The following EXPH5 variants were observed in gnomAD, a reference collection of about 807,000 sequenced individuals.
EXPH5 encodes the protein exophilin 5.
Under a neutral mutation model 41.1 loss-of-function variants are expected in EXPH5, and 42 were observed. That is an observed-to-expected ratio of 1.02 (90% CI 0.80 to 1.32). EXPH5 has a LOEUF of 1.32. EXPH5 is among the 40% of genes most tolerant of loss of function. EXPH5 has a pLI of 0.00. For missense variants in EXPH5, 2,298 were observed against 2,314.5 expected (o/e 0.99, Z 0.15); for synonymous variants, 798 against 833.5 (o/e 0.96, Z 0.73).
Position 108,509,829 on chromosome 11 carries a change from T to C in EXPH5, c.5678A>G (p.Gln1893Arg). 1 of 1,613,690 alleles carries C rather than the reference T, an allele frequency of 6.2e-7. No individual in the cohort carries two copies. The highest frequency in any genetic ancestry group is 8.5e-7 in the Non-Finnish European group (1 of 1,179,914). The change falls in exon 6 of 6, where the codon CAA (glutamine) becomes CGA (arginine). Residue 1893 changes from glutamine (Q) to arginine (R), a missense_variant. By Grantham distance (43) the Gln-to-Arg change is conservative. Coordinates refer to ENST00000265843, the MANE Select transcript of EXPH5 (RefSeq NM_015065.3). ...TACATTTTCTAAGAAAGCTAACTGT[T>C]GTTCTTTCCCAAAGATCCCATAGTC... ...PIDYGIFGKE[Q>R]QLAFLENVKR... is the part of the protein sequence containing the mutation.
At chr11:108,518,563 T>C (rs1448558652) in intron 4 of EXPH5, among the ~76,000 whole-genome samples, 190 bp from the exon 5 acceptor site, 1 of 152,230 alleles carries the variant, frequency 6.6e-6, no homozygotes, top group Non-Finnish European at 1.5e-5. Context: ...AACTTCTCTA[T>C]ACCTACATTA....
At chr11:108,536,104 G>GA (rs2136014469) in intron 3 of EXPH5, among the ~76,000 whole-genome samples, 1 of 152,234 alleles carries the variant, frequency 6.6e-6, no homozygotes, top group Non-Finnish European at 1.5e-5. Context: ...GGATTTATTG[G>GA]CTAGGAATGT....
chr11:108,554,354 C>T lies in EXPH5; in HGVS notation c.120-12542G>A, dbSNP rs184386195. Among the ~76,000 whole-genome samples the T allele has an allele frequency of 2.8e-4, 43 of 152,276 alleles. No individual in the cohort carries two copies. The South Asian group carries it at 2.9e-3, about 10-fold the overall frequency. ...ACAGATGTGAGCCACCATGCCCAGCCGCCCTGAACTTTATTAACTGGGTGT... is the reference window on the plus strand; with the variant it reads ...ACAGATGTGAGCCACCATGCCCAGCTGCCCTGAACTTTATTAACTGGGTGT... On this transcript the variant is annotated intron_variant, in intron 1 of 5. Coordinates refer to ENST00000265843, the MANE Select transcript of EXPH5 (RefSeq NM_015065.3).
intron 3 of EXPH5, among the ~76,000 whole-genome samples, chr11:108,538,397 G>A (rs1303315324): frequency 6.6e-6 from 1 of 152,134 alleles, no homozygotes; most frequent in Non-Finnish European, 1.5e-5. Context: ...TGAGTCAAGT[G>A]AACTGATTTG....
intron 1 of EXPH5, among the ~76,000 whole-genome samples, chr11:108,555,373 A>G (rs1046804550): frequency 1.8e-4 from 27 of 152,350 alleles, no homozygotes; most frequent in African/African-American, 6.0e-4. Context: ...GAAAATAACC[A>G]TTTATTGATT....
In EXPH5 at chr11:108,514,426, G is replaced by C. The variant is rs771619586; in HGVS notation, c.1081C>G (p.Gln361Glu). ...GATAAAGGAGTTCTCTTTGGACTCT[G>C]CTGGTGCCTTGGTGGTATAAACCCA... is the stretch of plus-strand genomic sequence containing the variant. ...KSGFIPPRHQ[Q>E]SPKRTPLSSI... Residue 361 changes from glutamine (Q) to glutamate (E), a missense_variant, in exon 6 of 6, where the codon CAG becomes GAG. Transcript: ENST00000265843. The C allele has an allele frequency of 1.2e-6, 2 of 1,614,036 alleles. No homozygotes were observed. The highest frequency in any genetic ancestry group is 1.7e-5 in the Admixed American group (1 of 60,002).
At chr11:108,548,411 A>G (rs1393899778) in intron 1 of EXPH5, among the ~76,000 whole-genome samples, 1 of 152,176 alleles carries the variant, frequency 6.6e-6, no homozygotes, top group Non-Finnish European at 1.5e-5. Flanking sequence ...TGAAATTCAG[A>G]CAGTAGTGTC....
upstream of EXPH5, among the ~76,000 whole-genome samples, chr11:108,596,370 A>G (rs1387723340): frequency 6.6e-6 from 1 of 152,174 alleles, no homozygotes; most frequent in Non-Finnish European, 1.5e-5. Flanking sequence ...TTCCAAAGAT[A>G]TTGGCTGGAT....
chr11:108,570,193 G>A (rs888783005), intron 1 of EXPH5, among the ~76,000 whole-genome samples: 6 of 152,060 alleles, frequency 3.9e-5, no homozygotes, highest in African/African-American at 1.4e-4. Context: ...CAGAGATGAA[G>A]TTCAGGTAAG....
In EXPH5 at chr11:108,513,312, T is replaced by C; in HGVS notation, c.2195A>G (p.Gln732Arg). Reference protein sequence around the residue: ...KAGEIPQPVSQTGISNSLPDF... With the variant: ...KAGEIPQPVSRTGISNSLPDF... ...AGGTAAAGAGTTTGAGATCCCTGTC[T>C]GTGAAACAGGTTGGGGTATTTCACC... The change falls in exon 6 of 6, where the codon CAG becomes CGG. Residue 732 changes from glutamine to arginine, a missense_variant. Physicochemically the swap from Gln to Arg is conservative, Grantham distance 43 (BLOSUM62 1). Coordinates refer to ENST00000265843, the MANE Select transcript of EXPH5 (RefSeq NM_015065.3). 2 of 1,613,372 alleles carry C rather than the reference T, an allele frequency of 1.2e-6. 1 individual carries two copies. The highest frequency in any genetic ancestry group is 3.3e-5 in the Admixed American group (2 of 59,894).
intron 4 of EXPH5, among the ~76,000 whole-genome samples, chr11:108,524,629 T>C (rs192614528): frequency 7.7e-4 from 118 of 152,318 alleles, no homozygotes; most frequent in African/African-American, 2.5e-3. Context: ...ACCTCTGTCA[T>C]AGAGTAGCCT....
At chr11:108,521,751 T>C (rs756418767) in intron 4 of EXPH5, among the ~76,000 whole-genome samples, 13 of 152,314 alleles carry the variant, frequency 8.5e-5, no homozygotes, top group Middle Eastern at 3.4e-3. Flanking sequence ...TTATAAGTCC[T>C]TTCTTCTCAA....
chr11:108,593,746 C>A lies in EXPH5; in HGVS notation c.-210G>T. 1 of 1,536,314 alleles carries A rather than the reference C, an allele frequency of 6.5e-7. No homozygotes were observed. The highest frequency in any genetic ancestry group is 8.7e-7 in the Non-Finnish European group (1 of 1,146,964). The stretch of plus-strand genomic sequence containing the variant: ...ACCTTAATGACATGTTTCTCTCAAC[C>A]TGTCCAACCGAGATGCAAAGTGAAC... On this transcript the variant is annotated 5_prime_UTR_variant, in exon 1 of 6. The change creates a new upstream start codon in the 5' untranslated region. Transcript: ENST00000265843.
At chr11:108,573,142 A>G (rs2094066890) in intron 1 of EXPH5, among the ~76,000 whole-genome samples, 1 of 97,560 alleles carries the variant, frequency 1.0e-5, no homozygotes, top group Admixed American at 1.0e-4. Flanking sequence ...GAAAGAAGGA[A>G]AGAAAGAAAG....
Position 108,539,099 on chromosome 11 carries a change from G to T in EXPH5, c.368C>A (p.Ser123Ter). 5 of 1,611,726 alleles carry T rather than the reference G, an allele frequency of 3.1e-6. No individual in the cohort carries two copies. Among genetic ancestry groups the T allele is most frequent in the Non-Finnish European group, 4.2e-6 (5 of 1,178,606 alleles). ...GAATGAGAACAGGGAAGCAAATGAC[G>T]ATCTGAAGCTCATCCGGGAAGAAAA... is the stretch of plus-strand genomic sequence containing the variant. ...TPFSSRMSFR[S>*]SFASLFSFRK... The change falls in exon 3 of 6, where the codon TCG becomes TAG. Residue 123 changes from serine (S) to a stop codon, truncating the protein, a stop_gained. Coordinates refer to ENST00000265843, the MANE Select transcript of EXPH5 (RefSeq NM_015065.3). LOFTEE classifies it high-confidence loss of function.
chr11:108,547,654 G>A (rs555533666), intron 1 of EXPH5, among the ~76,000 whole-genome samples: 1 of 152,164 alleles, frequency 6.6e-6, no homozygotes. Flanking sequence ...TAATATTTTG[G>A]TGTTACTATT....
chr11:108,529,249 C>A (rs749300779), intron 3 of EXPH5, among the ~76,000 whole-genome samples: 1 of 152,130 alleles, frequency 6.6e-6, no homozygotes, highest in African/African-American at 2.4e-5. Flanking sequence ...AACAAGTATT[C>A]TTTTACTATT....
chr11:108,529,963 T>C (rs543366694), intron 3 of EXPH5, among the ~76,000 whole-genome samples: 4 of 152,274 alleles, frequency 2.6e-5, no homozygotes, highest in Admixed American at 2.0e-4. Flanking sequence ...ACTGGGTCTC[T>C]AGATCAGATC....
intron 4 of EXPH5, among the ~76,000 whole-genome samples, chr11:108,518,809 T>G (rs1022307335): frequency 2.0e-5 from 3 of 152,092 alleles, no homozygotes; most frequent in Non-Finnish European, 4.4e-5. Flanking sequence ...ATCTTGCTGA[T>G]AAAACACGTT....
Sources: gnomAD v4.1 joint callset for allele counts (sites outside exome capture counted in the v4.1 genomes callset) on GRCh38, gnomAD v4.1.1 for gene constraint, MANE v1.5 for transcripts, NCBI Gene and HGNC (gene_info 2026-07-23, HGNC 2026-07-21) for gene names.